The following PRKCE variants were observed in gnomAD, a reference collection of about 807,000 sequenced individuals.
The protein encoded by PRKCE is protein kinase C epsilon.
In PRKCE, 16 loss-of-function variants were observed where a neutral mutation model predicts 85.4. The ratio of observed to expected loss-of-function variants is 0.19; its 90% CI spans 0.13 to 0.28. PRKCE has a LOEUF of 0.28. PRKCE is among the 10% of genes least tolerant of loss of function. The pLI, the probability that PRKCE is intolerant of heterozygous loss-of-function variation, is 1.00. For missense variants in PRKCE, 573 were observed against 975.2 expected, an observed-to-expected ratio of 0.59 and a Z score of 5.49; for synonymous variants, 388 against 371.5, an observed-to-expected ratio of 1.04 and a Z score of -0.51.
intron 2 of PRKCE, among the ~76,000 whole-genome samples, chr2:45,857,736 G>A (rs561996512): frequency 6.6e-6 from 1 of 151,908 alleles, no homozygotes; most frequent in Non-Finnish European, 1.5e-5. Context: ...TTTTTAAAGG[G>A]TAGGAGGCAA....
chr2:45,838,941 T>C (rs1691122082), intron 1 of PRKCE, among the ~76,000 whole-genome samples: 1 of 152,144 alleles, frequency 6.6e-6, no homozygotes, highest in African/African-American at 2.4e-5. Context: ...GCACCAATGA[T>C]GACTATTTTA....
chr2:46,046,780 A>G (rs1708549179), intron 10 of PRKCE, among the ~76,000 whole-genome samples: 1 of 152,166 alleles, frequency 6.6e-6, no homozygotes. Context: ...TCTTGAAAAT[A>G]CCATCTTATA....
intron 1 of PRKCE, chr2:45,685,650 C>T (rs369627217): frequency 6.6e-6 from 1 of 152,176 alleles, no homozygotes; most frequent in Non-Finnish European, 1.5e-5. Flanking sequence ...AAAAATTAGC[C>T]AGCCATTGTG....
chr2:45,977,158 A>G (rs1702521041), intron 3 of PRKCE, among the ~76,000 whole-genome samples: 1 of 152,000 alleles, frequency 6.6e-6, no homozygotes, highest in Non-Finnish European at 1.5e-5. Context: ...CTGCCCCCCA[A>G]AGTGCTGGGA....
intron 10 of PRKCE, among the ~76,000 whole-genome samples, chr2:46,011,712 C>T (rs1489833187): frequency 1.3e-5 from 2 of 152,084 alleles, no homozygotes; most frequent in African/African-American, 4.8e-5. Flanking sequence ...ACAAAATTAC[C>T]TTTGTTTAAT....
intron 14 of PRKCE, among the ~76,000 whole-genome samples, chr2:46,165,378 T>G (rs760817218): frequency 7.2e-5 from 11 of 152,168 alleles, no homozygotes; most frequent in Non-Finnish European, 1.5e-4. Context: ...CTCAAGTCAA[T>G]TTTCCGGGGG....
intron 2 of PRKCE, among the ~76,000 whole-genome samples, chr2:45,861,180 C>G (rs1693127530): frequency 6.6e-6 from 1 of 152,202 alleles, no homozygotes; most frequent in African/African-American, 2.4e-5. Context: ...GATGTGAATG[C>G]TCCTTCGTGC....
intron 1 of PRKCE, among the ~76,000 whole-genome samples, chr2:45,837,290 T>A (rs2002949): frequency 0.4 from 61,127 of 152,044 alleles, 12,522 homozygotes; most frequent in Middle Eastern, 0.53. Context: ...GGAGTCTTGC[T>A]CTGTTGCCTA....
At chr2:46,115,553 A>G (rs181815574) in intron 11 of PRKCE, among the ~76,000 whole-genome samples, 2 of 152,304 alleles carry the variant, frequency 1.3e-5, no homozygotes, top group African/African-American at 2.4e-5. Flanking sequence ...GGAAGCCTTT[A>G]TCATCTAATC....
rs115419618 is a variant in PRKCE at position 45,943,277 on chromosome 2, C to T, written c.413-33152C>T. Among the ~76,000 whole-genome samples, 635 of 152,316 alleles carry T rather than the reference C, an allele frequency of 4.2e-3. 5 individuals are homozygous for T. The highest frequency in any genetic ancestry group is 4.1e-3 in the Non-Finnish European group (278 of 68,028). ...TTCCTTTATTTAAAAAATGATTTCG[C>T]AGTCATCATGTGCAAAGCAGTTACC... On this transcript the variant is annotated intron_variant, in intron 2 of 14. Coordinates refer to ENST00000306156, the MANE Select transcript of PRKCE (RefSeq NM_005400.3).
At chr2:45,713,420 A>G (rs1679832984) in intron 1 of PRKCE, among the ~76,000 whole-genome samples, 2 of 152,158 alleles carry the variant, frequency 1.3e-5, no homozygotes, top group African/African-American at 2.4e-5. Flanking sequence ...CTGCAGGGGT[A>G]TGCATCTTCC....
At chr2:46,182,277 G>A (rs1382384101) in intron 14 of PRKCE, among the ~76,000 whole-genome samples, 2 of 152,066 alleles carry the variant, frequency 1.3e-5, no homozygotes, top group Admixed American at 1.3e-4. Context: ...CTTCCACAGA[G>A]ATCTTCAGAA....
At chr2:45,655,535 G>C (rs1266406614) in intron 1 of PRKCE, among the ~76,000 whole-genome samples, 1 of 152,156 alleles carries the variant, frequency 6.6e-6, no homozygotes, top group African/African-American at 2.4e-5. Flanking sequence ...AGTTTAAAAA[G>C]GGAGTGTGGG....
chr2:46,028,209 T>C (rs1707265526), intron 10 of PRKCE, among the ~76,000 whole-genome samples: 1 of 152,172 alleles, frequency 6.6e-6, no homozygotes, highest in Non-Finnish European at 1.5e-5. Context: ...CCCAAAGTGC[T>C]GGAATTACAG....
intron 2 of PRKCE, among the ~76,000 whole-genome samples, chr2:45,853,360 G>C (rs1656170606): frequency 6.6e-6 from 1 of 152,202 alleles, no homozygotes; most frequent in Non-Finnish European, 1.5e-5. Flanking sequence ...AAAGCACTAA[G>C]TAACCCTTTT....
intron 2 of PRKCE, among the ~76,000 whole-genome samples, chr2:45,925,368 C>T (rs927924283): frequency 1.3e-5 from 2 of 152,128 alleles, no homozygotes; most frequent in Non-Finnish European, 2.9e-5. Context: ...ATGATCTTGG[C>T]TCCCTGCAAA....
chr2:45,881,490 G>T (rs1694887411), intron 2 of PRKCE, among the ~76,000 whole-genome samples: 3 of 152,080 alleles, frequency 2.0e-5, no homozygotes, highest in Admixed American at 1.3e-4. Context: ...TAAATATAGT[G>T]ATTGCAGTTA....
chr2:46,081,541 A>G (rs11690784), intron 10 of PRKCE, among the ~76,000 whole-genome samples: 72,817 of 151,932 alleles, frequency 0.48, 20,333 homozygotes, highest in African/African-American at 0.78. Context: ...CAGAGAGTGT[A>G]GCACGTCACA....
At chr2:45,972,979 C>G (rs1035973479) in intron 2 of PRKCE, among the ~76,000 whole-genome samples, 1 of 152,172 alleles carries the variant, frequency 6.6e-6, no homozygotes, top group African/African-American at 2.4e-5. Context: ...AAGATGGAAG[C>G]ATCACATTTC....
Sources: gnomAD v4.1 joint callset for allele counts (sites outside exome capture counted in the v4.1 genomes callset) on GRCh38, gnomAD v4.1.1 for gene constraint, MANE v1.5 for transcripts, NCBI Gene and HGNC (gene_info 2026-07-23, HGNC 2026-07-21) for gene names.